Variants in UTP18 observed in about 807,000 individuals in gnomAD.
The protein encoded by UTP18 is U3 small nucleolar RNA-associated protein 18 homolog.
Under a neutral mutation model 61.1 loss-of-function variants are expected in UTP18, and 36 were observed. That is an observed-to-expected ratio of 0.59 (90% CI 0.45 to 0.78). UTP18 has a LOEUF of 0.78. Among genes scored for constraint, UTP18 ranks in the 30% least tolerant of loss-of-function variants. The pLI is 0.00. For synonymous variants in UTP18, 282 were observed against 251.1 expected (o/e 1.12, Z -1.16); for missense variants, 753 against 693.9 (o/e 1.09, Z -0.96).
chr17:51,260,750 G>T lies in UTP18; in HGVS notation c.166G>T (p.Ala56Ser), dbSNP rs778453855. 21 of 1,582,220 alleles carry T rather than the reference G, an allele frequency of 1.3e-5. No homozygotes were observed. In the South Asian group the frequency reaches 1.6e-4, roughly 12 times the overall value. ...SQRKPPARPS[A>S]AAAAIAVAAA... The stretch of plus-strand genomic sequence containing the variant: ...GCGGAAACCGCCGGCCCGGCCGAGC[G>T]CGGCGGCCGCTGCGATTGCAGTCGC... Residue 56 changes from alanine (A) to serine (S), a missense_variant, in exon 1 of 14, where the codon GCG becomes TCG. Transcript: ENST00000225298.
intron 1 of UTP18, among the ~76,000 whole-genome samples, chr17:51,261,520 C>G (rs2055482132): frequency 6.6e-6 from 1 of 152,154 alleles, no homozygotes; most frequent in South Asian, 2.1e-4. Context: ...AAATTCTATA[C>G]CAGGCTTTTC....
intron 9 of UTP18, among the ~76,000 whole-genome samples, chr17:51,281,164 A>ATATATATTT (rs59857038): frequency 2.8e-3 from 394 of 140,400 alleles, no homozygotes; most frequent in African/African-American, 9.9e-3. Context: ...ATATATATAT[A>ATATATATTT]TTTTTTTTAA....
At chr17:51,290,457 G>A (rs1905213138) in intron 11 of UTP18, among the ~76,000 whole-genome samples, 1 of 151,872 alleles carries the variant, frequency 6.6e-6, no homozygotes, top group Non-Finnish European at 1.5e-5. Context: ...GCTGGAAAAA[G>A]AGTGTGAAAA....
At chr17:51,290,804 T>C (rs1253096811) in intron 11 of UTP18, among the ~76,000 whole-genome samples, 1 of 152,218 alleles carries the variant, frequency 6.6e-6, no homozygotes, top group Non-Finnish European at 1.5e-5. Flanking sequence ...AACCATAATA[T>C]CTAATGGAAA....
At chr17:51,271,527 T>C (rs983672619) in intron 4 of UTP18, among the ~76,000 whole-genome samples, 1 of 152,136 alleles carries the variant, frequency 6.6e-6, no homozygotes, top group South Asian at 2.1e-4. Flanking sequence ...TTGCCCACAT[T>C]GGTATTCAGT....
At chr17:51,270,638 C>T (rs1223587900) in intron 4 of UTP18, among the ~76,000 whole-genome samples, 4 of 152,122 alleles carry the variant, frequency 2.6e-5, no homozygotes, top group Non-Finnish European at 2.9e-5. Context: ...TTGGTTCTTC[C>T]AGAGTTGCCT....
chr17:51,269,662 C>T (rs1331595661), intron 4 of UTP18, among the ~76,000 whole-genome samples: 2 of 152,044 alleles, frequency 1.3e-5, no homozygotes, highest in Non-Finnish European at 2.9e-5. Flanking sequence ...TACAAAGAGC[C>T]AGTGTTTTAT....
chr17:51,260,588 C>G lies in UTP18; in HGVS notation c.4C>G (p.Pro2Ala). 6 of 1,611,770 alleles carry G rather than the reference C, an allele frequency of 3.7e-6. No homozygotes were observed. Among genetic ancestry groups the G allele is most frequent in the Non-Finnish European group, 5.1e-6 (6 of 1,179,434 alleles). ...GCGTTTCTCCTCAAACCTAACGATG[C>G]CGCCGGAGCGGAGGAGACGAATGAA... M[P>A]PERRRRMKLD... is the part of the protein sequence containing the mutation. The change falls in exon 1 of 14, where the codon CCG (proline) becomes GCG (alanine). Residue 2 changes from proline (P) to alanine (A), a missense_variant. Physicochemically the swap from Pro to Ala is conservative, Grantham distance 27 (BLOSUM62 -1). Transcript: ENST00000225298.
chr17:51,297,497 C>G (rs1905398816), intron 13 of UTP18, among the ~76,000 whole-genome samples: 1 of 152,170 alleles, frequency 6.6e-6, no homozygotes, highest in Non-Finnish European at 1.5e-5. Context: ...TCCTTTCAGG[C>G]CTGAGATGTG....
At chr17:51,291,414 C>T (rs536643437) in intron 11 of UTP18, among the ~76,000 whole-genome samples, 10 of 152,014 alleles carry the variant, frequency 6.6e-5, no homozygotes, top group African/African-American at 1.9e-4. Flanking sequence ...CTCCTTTTCC[C>T]GATATTCCAA....
At chr17:51,288,689 A>C (rs911021231) in intron 11 of UTP18, 1 of 446,596 alleles carries the variant, frequency 2.2e-6, no homozygotes, top group Non-Finnish European at 4.5e-6. Flanking sequence ...AATCCGCAGG[A>C]CCACCTCCAG....
At chr17:51,264,185 T>A (rs2055536682) in intron 2 of UTP18, among the ~76,000 whole-genome samples, 1 of 151,974 alleles carries the variant, frequency 6.6e-6, no homozygotes, top group South Asian at 2.1e-4. Flanking sequence ...TACAGGCGTG[T>A]GCCACCACAC....
chr17:51,267,609 T>C (rs1904344486), intron 3 of UTP18, among the ~76,000 whole-genome samples: 1 of 152,184 alleles, frequency 6.6e-6, no homozygotes, highest in Non-Finnish European at 1.5e-5. Flanking sequence ...TCCTGTTAAG[T>C]TGGGCTTAAA....
chr17:51,273,474 A>T, intron 5 of UTP18, 24 bp downstream of exon 5: 1 of 1,572,798 alleles, frequency 6.4e-7, no homozygotes, highest in Non-Finnish European at 8.7e-7. Context: ...AAGTTGGGGG[A>T]TCCTATCTAA....
chr17:51,275,197 C>CAAA (rs1198501496), intron 5 of UTP18, among the ~76,000 whole-genome samples: 1 of 100,874 alleles, frequency 9.9e-6, no homozygotes, highest in African/African-American at 3.4e-5. Context: ...AACCCAGTCT[C>CAAA]AAAAAAAAAA....
chr17:51,264,930 G>A (rs1370227345), intron 2 of UTP18, among the ~76,000 whole-genome samples: 1 of 152,050 alleles, frequency 6.6e-6, no homozygotes, highest in East Asian at 1.9e-4. Flanking sequence ...TGACCTGTTT[G>A]CCTCGGCCTC....
chr17:51,271,486 T>A (rs969587336), intron 4 of UTP18, among the ~76,000 whole-genome samples: 14 of 151,226 alleles, frequency 9.3e-5, no homozygotes, highest in South Asian at 4.2e-4. Context: ...AAAAAAAAAA[T>A]TTTTTTTTGT....
intron 9 of UTP18, among the ~76,000 whole-genome samples, chr17:51,282,867 C>CTTTTTT (rs534175274): frequency 4.6e-4 from 56 of 120,702 alleles, no homozygotes; most frequent in African/African-American, 1.3e-3. Context: ...TCTTCTTCTT[C>CTTTTTT]TTTTTTTTTT....
rs1159413149 is a variant in UTP18, at chr17:51,260,797, G to A, written c.213G>A (p.Arg71=). The part of the protein sequence containing the change: ...IAVAAAEEER[R]LRQRNRLRLE... Reference sequence around the variant, plus strand: ...TCGCGGCGGCGGAGGAAGAGAGACGGCTCCGGCAGCGGAACCGCCTGAGGC... The same window carrying A: ...TCGCGGCGGCGGAGGAAGAGAGACGACTCCGGCAGCGGAACCGCCTGAGGC... The change falls in exon 1 of 14, where the codon CGG becomes CGA. Residue 71 remains arginine (R), a synonymous_variant. Transcript: ENST00000225298. The A allele has an allele frequency of 6.3e-7, 1 of 1,580,978 alleles. No homozygotes were observed. The highest frequency in any genetic ancestry group is 2.3e-5 in the East Asian group (1 of 43,022).
Sources: gnomAD v4.1 joint callset for allele counts (sites outside exome capture counted in the v4.1 genomes callset) on GRCh38, gnomAD v4.1.1 for gene constraint, MANE v1.5 for transcripts, NCBI Gene and HGNC (gene_info 2026-07-23, HGNC 2026-07-21) for gene names.